L3MBTL4: variants seen among roughly 807,000 people sequenced by gnomAD.
L3MBTL4 encodes L3MBTL histone methyl-lysine binding protein 4.
A neutral mutation model predicts 84.5 loss-of-function variants in L3MBTL4; 70 were observed. The ratio of observed to expected loss-of-function variants is 0.83; its 90% CI spans 0.68 to 1.01. The LOEUF (loss-of-function observed/expected upper bound fraction) is 1.01. Ranked by LOEUF, L3MBTL4 falls within the 50% of genes least tolerant of loss-of-function variation. The pLI, the probability that L3MBTL4 is intolerant of heterozygous loss-of-function variation, is 0.00. For missense variants in L3MBTL4, 715 were observed against 754.8 expected, an observed-to-expected ratio of 0.95 and a Z score of 0.62; for synonymous variants, 274 against 259.8, an observed-to-expected ratio of 1.05 and a Z score of -0.52.
chr18:6,409,104 T>C (rs1440818376), intron 1 of L3MBTL4, among the ~76,000 whole-genome samples: 1 of 152,180 alleles, frequency 6.6e-6, no homozygotes, highest in Non-Finnish European at 1.5e-5. Flanking sequence ...ATTTAGATCT[T>C]AACGCCATTT....
intron 13 of L3MBTL4, among the ~76,000 whole-genome samples, chr18:6,162,579 G>A (rs2043395905): frequency 6.6e-6 from 1 of 152,172 alleles, no homozygotes. Context: ...GAAAAGTTTA[G>A]TTTGAATTAT....
intron 10 of L3MBTL4, among the ~76,000 whole-genome samples, chr18:6,233,087 G>C (rs1193105071): frequency 6.6e-6 from 1 of 152,050 alleles, no homozygotes; most frequent in African/African-American, 2.4e-5. Flanking sequence ...TATCTCAATA[G>C]ATGCAGAAAA....
chr18:6,338,763 T>C (rs1454844263), intron 1 of L3MBTL4, among the ~76,000 whole-genome samples: 1 of 151,858 alleles, frequency 6.6e-6, no homozygotes, highest in Non-Finnish European at 1.5e-5. Flanking sequence ...ATGCTTTAAA[T>C]ATAAAGACAT....
chr18:6,392,981 A>G (rs2055121312), intron 1 of L3MBTL4, among the ~76,000 whole-genome samples: 1 of 152,216 alleles, frequency 6.6e-6, no homozygotes, highest in Non-Finnish European at 1.5e-5. Context: ...TACAATGTAT[A>G]CTATTTGGCT....
chr18:6,031,265 G>A lies in L3MBTL4; in HGVS notation c.1444+49616C>T, dbSNP rs1180278065. The A allele has an allele frequency of 4.1e-6, 4 of 985,316 alleles. No homozygotes were observed. In the East Asian group the frequency reaches 4.5e-4, roughly 112 times the overall value. The allele number at this position is 985,316 out of a possible 1,614,324, so 61.0% of individuals were successfully genotyped here. On this transcript the variant is annotated intron_variant, in intron 16 of 18. Transcript: ENST00000317931. Reference sequence around the variant, plus strand: ...GAGCTGATATATCTTCTGCTAATAAGCACAGCAGAATGGTGAACAGTGTTC... The same window carrying A: ...GAGCTGATATATCTTCTGCTAATAAACACAGCAGAATGGTGAACAGTGTTC...
intron 9 of L3MBTL4, among the ~76,000 whole-genome samples, chr18:6,238,833 C>CAGGGACATATGTGG (rs572824392): frequency 0.019 from 2,841 of 151,804 alleles, 99 homozygotes; most frequent in African/African-American, 0.065. Context: ...CTGCCTCAGG[C>CAGGGACATATGTGG]AGGGACATAT....
At position 6,368,780 on chromosome 18, in the gene L3MBTL4, G is replaced by A. The variant is rs922622997; in HGVS notation, c.-91+46021C>T. On this transcript the variant is annotated intron_variant, in intron 1 of 18. Transcript: ENST00000317931. ...CTGGAGGCTGGGTGTGGTGGCTCAC[G>A]CCTGTAATCCCAGCACTTTGGGAGG... 2.4e-4 allele frequency among the ~76,000 whole-genome samples: 37 copies of A among 152,222 alleles called. 1 individual carries two copies. The highest frequency in any genetic ancestry group is 1.9e-3 in the Admixed American group (29 of 15,288).
intron 1 of L3MBTL4, among the ~76,000 whole-genome samples, chr18:6,404,345 CA>C (rs2055634543): frequency 6.6e-6 from 1 of 152,058 alleles, no homozygotes; most frequent in South Asian, 2.1e-4. Context: ...TTTCAACAAA[CA>C]AATGAAAAAA....
intron 13 of L3MBTL4, among the ~76,000 whole-genome samples, chr18:6,152,380 A>G (rs1390772151): frequency 1.3e-5 from 2 of 152,100 alleles, no homozygotes; most frequent in African/African-American, 4.8e-5. Flanking sequence ...TTTTCTCCAC[A>G]TCCTGGCCAA....
chr18:6,253,378 T>C (rs1014195131), intron 5 of L3MBTL4, among the ~76,000 whole-genome samples: 3 of 152,184 alleles, frequency 2.0e-5, no homozygotes, highest in African/African-American at 4.8e-5. Flanking sequence ...CCAAGTTCTA[T>C]TACATTTAGA....
intron 16 of L3MBTL4, among the ~76,000 whole-genome samples, chr18:5,973,140 A>C (rs2052739237): frequency 6.6e-6 from 1 of 152,248 alleles, no homozygotes; most frequent in African/African-American, 2.4e-5. Flanking sequence ...TTCCAAAGCC[A>C]GTGTGGCTAA....
chr18:6,286,713 C>G (rs1038436804), intron 4 of L3MBTL4, among the ~76,000 whole-genome samples: 1 of 152,108 alleles, frequency 6.6e-6, no homozygotes, highest in African/African-American at 2.4e-5. Context: ...CAAGAATCAC[C>G]AGCTTTGGAA....
chr18:6,070,281 A>T (rs1238127905), intron 16 of L3MBTL4, among the ~76,000 whole-genome samples: 1 of 152,202 alleles, frequency 6.6e-6, no homozygotes, highest in African/African-American at 2.4e-5. Context: ...GAAAAATCTT[A>T]TAAGTAATCA....
chr18:6,027,665 C>T (rs1470804946), intron 16 of L3MBTL4, among the ~76,000 whole-genome samples: 1 of 152,206 alleles, frequency 6.6e-6, no homozygotes, highest in Non-Finnish European at 1.5e-5. Context: ...AGTGTAAAAA[C>T]ATTCCTATTT....
intron 1 of L3MBTL4, among the ~76,000 whole-genome samples, chr18:6,370,271 A>G (rs2144170255): frequency 1.3e-5 from 2 of 152,268 alleles, no homozygotes; most frequent in East Asian, 3.9e-4. Context: ...CCTAGCAGAG[A>G]GCAGGCATAA....
At chr18:6,243,103 T>G (rs1421718815) in intron 7 of L3MBTL4, among the ~76,000 whole-genome samples, 191 bp downstream of exon 7, 5 of 152,382 alleles carry the variant, frequency 3.3e-5, no homozygotes, top group Middle Eastern at 3.4e-3. Flanking sequence ...TAGTCATTTA[T>G]GCTTTTCTTT....
chr18:6,035,328 A>G (rs1335801247), intron 16 of L3MBTL4, among the ~76,000 whole-genome samples: 1 of 152,172 alleles, frequency 6.6e-6, no homozygotes, highest in Admixed American at 6.5e-5. Flanking sequence ...ATTTTGTATA[A>G]GGTGTAAGGA....
chr18:6,340,008 C>G (rs2052532494), intron 1 of L3MBTL4, among the ~76,000 whole-genome samples: 1 of 152,032 alleles, frequency 6.6e-6, no homozygotes, highest in Non-Finnish European at 1.5e-5. Flanking sequence ...TTAAAAATAA[C>G]ACAAAGCTCA....
chr18:6,074,055 G>GT (rs140530119), intron 16 of L3MBTL4, among the ~76,000 whole-genome samples: 5 of 151,832 alleles, frequency 3.3e-5, no homozygotes, highest in African/African-American at 9.7e-5. Context: ...AATGTGAAGT[G>GT]TTTTTTTGTT....
Sources: allele counts gnomAD v4.1 joint callset (sites outside exome capture counted in the v4.1 genomes callset), GRCh38; gene constraint gnomAD v4.1.1; transcripts MANE v1.5; gene names NCBI Gene and HGNC (gene_info 2026-07-23, HGNC 2026-07-21).